The following CES5A variants were observed in gnomAD, a reference collection of about 807,000 sequenced individuals.
CES5A encodes the protein carboxylesterase 5.
A neutral mutation model predicts 62.9 loss-of-function variants in CES5A; 67 were observed. The observed-to-expected ratio is 1.07, with a 90% CI of 0.88 to 1.31. CES5A has a LOEUF of 1.31. Among genes scored for constraint, CES5A ranks in the 50% most tolerant of loss-of-function variants. The pLI, the probability that CES5A is intolerant of heterozygous loss-of-function variation, is 0.00. For missense variants in CES5A, 748 were observed against 708.5 expected (o/e 1.06, Z -0.63); for synonymous variants, 296 against 280.8 (o/e 1.05, Z -0.54).
intron 10 of CES5A, among the ~76,000 whole-genome samples, chr16:55,850,953 AG>A (rs1402546193): frequency 2.6e-5 from 4 of 152,224 alleles, no homozygotes; most frequent in Admixed American, 6.5e-5. Context: ...AAAAGAATAA[AG>A]GTAGATTCTT....
chr16:55,854,479 G>A (rs186622746), intron 9 of CES5A, among the ~76,000 whole-genome samples: 42 of 148,998 alleles, frequency 2.8e-4, no homozygotes, highest in Admixed American at 6.7e-4. Context: ...GCTGCAACTC[G>A]TCAAACATCC....
intron 10 of CES5A, among the ~76,000 whole-genome samples, chr16:55,850,740 C>G (rs2033114930): frequency 6.6e-6 from 1 of 152,066 alleles, no homozygotes; most frequent in Non-Finnish European, 1.5e-5. Context: ...GAGTATATCC[C>G]TAGGACTGGA....
intron 4 of CES5A, among the ~76,000 whole-genome samples, chr16:55,868,680 T>C (rs1341848578): frequency 1.3e-5 from 2 of 152,214 alleles, no homozygotes; most frequent in African/African-American, 2.4e-5. Flanking sequence ...GCCTTTACCA[T>C]AGTATGTGAC....
intron 1 of CES5A, among the ~76,000 whole-genome samples, chr16:55,880,830 A>G (rs2142424274): frequency 6.6e-6 from 1 of 152,346 alleles, no homozygotes; most frequent in Non-Finnish European, 1.5e-5. Context: ...ATCAATACAG[A>G]GTACACTGTG....
chr16:55,874,324 G>A (rs757741940), intron 1 of CES5A, among the ~76,000 whole-genome samples: 1 of 152,134 alleles, frequency 6.6e-6, no homozygotes, highest in Non-Finnish European at 1.5e-5. Flanking sequence ...TCTGCTGAGA[G>A]CGCTTTCTTT....
At chr16:55,876,094 C>A (rs2033689620), upstream of CES5A, among the ~76,000 whole-genome samples, 1 of 152,190 alleles carries the variant, frequency 6.6e-6, no homozygotes. Flanking sequence ...CAAATTGTAG[C>A]CATGACTGTC....
chr16:55,848,664 C>A (rs2033066503), intron 11 of CES5A, among the ~76,000 whole-genome samples: 1 of 152,102 alleles, frequency 6.6e-6, no homozygotes, highest in Non-Finnish European at 1.5e-5. Context: ...ACCCAGTTTT[C>A]AATTAGGTTA....
rs55951124 is a variant in CES5A, at chr16:55,951,103, C to CAAAAAAAAAAAAAAAA, written c.43-1217_43-1202dup. 2.7e-4 allele frequency among the ~76,000 whole-genome samples: 12 copies of CAAAAAAAAAAAAAAAA among 44,378 alleles called. 1 individual carries two copies. Among genetic ancestry groups the CAAAAAAAAAAAAAAAA allele is most frequent in the African/African-American group, 1.2e-3 (10 of 8,142 alleles). The allele number at this position is 44,378 out of a possible 152,430, so 29.1% of individuals were successfully genotyped here. A position where few individuals can be genotyped will look rare whatever the true frequency, so the allele number is the denominator to read the frequency against. Reference sequence around the variant, plus strand: ...CCTGGGAGACAGCGAGACTCCATCTCAAAAAAAAAAAAAAAAAAAAAAAAA... The same window carrying CAAAAAAAAAAAAAAAA: ...CCTGGGAGACAGCGAGACTCCATCTCAAAAAAAAAAAAAAAAAAAAAAAAAAAAAAAAAAAAAAAAA... On this transcript the variant is annotated intron_variant, in intron 1 of 13. Coordinates refer to the CES5A transcript ENST00000521992.
chr16:55,940,920 C>T (rs1288762869), intron 2 of CES5A, among the ~76,000 whole-genome samples: 7 of 151,460 alleles, frequency 4.6e-5, no homozygotes, highest in Admixed American at 1.3e-4. Context: ...ATACGTAATC[C>T]AGAAAATGCA....
intron 7 of CES5A, among the ~76,000 whole-genome samples, chr16:55,860,080 C>T (rs1174756206): frequency 6.6e-6 from 1 of 152,106 alleles, no homozygotes; most frequent in Non-Finnish European, 1.5e-5. Context: ...AGGTCTTTCC[C>T]ATGCTATTTG....
chr16:55,911,485 A>G (rs539240023), intron 1 of CES5A, among the ~76,000 whole-genome samples: 3 of 152,204 alleles, frequency 2.0e-5, no homozygotes, highest in African/African-American at 7.2e-5. Context: ...ATATGCCAAA[A>G]CAAAGGTGCA....
At chr16:55,878,796 C>T (rs758291785), upstream of CES5A, among the ~76,000 whole-genome samples, 1 of 147,698 alleles carries the variant, frequency 6.8e-6, no homozygotes, top group Non-Finnish European at 1.5e-5. Context: ...TAACCCATCG[C>T]TGTACCCTAC....
intron 2 of CES5A, 137 bp from the exon 3 acceptor site, chr16:55,871,900 C>T (rs2033597896): frequency 5.2e-6 from 4 of 775,704 alleles, no homozygotes; most frequent in Non-Finnish European, 8.2e-6. Flanking sequence ...GTACAAAGTC[C>T]AATCATGCCC....
rs1555479325 is a variant in CES5A at position 55,854,531 on chromosome 16, C to CTTTCTGTTTTCTTTCTT, written c.1126-1504_1126-1503insAAGAAAGAAAACAGAAA. On this transcript the variant is annotated intron_variant, in intron 9 of 12. Transcript: ENST00000290567. The stretch of plus-strand genomic sequence containing the variant: ...TGAGGGATATCTGCCTGTAGTGTTT[C>CTTTCTGTTTTCTTTCTT]TTTTTTTTTTTTCTTTTTTTTTTTT... Among the ~76,000 whole-genome samples, 14 of 52,156 alleles carry CTTTCTGTTTTCTTTCTT rather than the reference C, an allele frequency of 2.7e-4. 2 individuals are homozygous for CTTTCTGTTTTCTTTCTT. The highest frequency in any genetic ancestry group is 6.3e-4 in the Admixed American group (3 of 4,772). 34.2% of individuals were successfully genotyped at this position (52,156 alleles called of 152,430 possible). A position where few individuals can be genotyped will look rare whatever the true frequency, so the allele number is the denominator to read the frequency against.
chr16:55,904,226 C>T (rs7205550), intron 1 of CES5A, among the ~76,000 whole-genome samples: 67,762 of 152,070 alleles, frequency 0.45, 15,564 homozygotes, highest in Non-Finnish European at 0.5. Flanking sequence ...ACGAAAGAGA[C>T]CCAGTTCAAC....
chr16:55,856,108 A>G (rs1412192620), intron 9 of CES5A, among the ~76,000 whole-genome samples: 1 of 152,100 alleles, frequency 6.6e-6, no homozygotes, highest in African/African-American at 2.4e-5. Flanking sequence ...CCTCCCGAGA[A>G]GCTGAGCAGA....
chr16:55,914,650 G>A (rs1333509920), intron 1 of CES5A, among the ~76,000 whole-genome samples: 6 of 152,118 alleles, frequency 3.9e-5, no homozygotes, highest in Admixed American at 2.6e-4. Flanking sequence ...CCCTTTAAAC[G>A]AAATCCCTGA....
At chr16:55,949,728 G>C in intron 2 of CES5A, 1 of 647,826 alleles carries the variant, frequency 1.5e-6, no homozygotes, top group Non-Finnish European at 2.4e-6. Flanking sequence ...TGAGTCAGCT[G>C]TTGGCCAGAC....
upstream of CES5A, among the ~76,000 whole-genome samples, chr16:55,929,659 G>A (rs2034289681): frequency 6.6e-6 from 1 of 152,072 alleles, no homozygotes; most frequent in African/African-American, 2.4e-5. Context: ...TATGTCCATG[G>A]TGAACAAACT....
Sources: gnomAD v4.1 joint callset for allele counts (sites outside exome capture counted in the v4.1 genomes callset) on GRCh38, gnomAD v4.1.1 for gene constraint, MANE v1.5 for transcripts, NCBI Gene and HGNC (gene_info 2026-07-23, HGNC 2026-07-21) for gene names.